Variants in ESYT1 observed in about 807,000 individuals in gnomAD.
ESYT1 encodes the protein extended synaptotagmin-1.
A neutral mutation model predicts 154.2 loss-of-function variants in ESYT1; 116 were observed. The ratio of observed to expected loss-of-function variants is 0.75; its 90% CI spans 0.65 to 0.88. ESYT1 has a LOEUF of 0.88. Ranked by LOEUF, ESYT1 falls within the 40% of genes least tolerant of loss-of-function variation. The pLI, the probability that ESYT1 is intolerant of heterozygous loss-of-function variation, is 0.00. For missense variants in ESYT1, 1,264 were observed against 1,379.3 expected (o/e 0.92, Z 1.32); for synonymous variants, 500 against 539.9 (o/e 0.93, Z 1.02).
chr12:56,134,226 G>T, intron 14 of ESYT1, 45 bp downstream of exon 14: 2 of 1,606,170 alleles, frequency 1.2e-6, no homozygotes. Context: ...AGGACAGGGA[G>T]AGGCCTATTC....
chr12:56,129,011 C>T (rs1395787068), intron 1 of ESYT1, among the ~76,000 whole-genome samples: 2 of 152,140 alleles, frequency 1.3e-5, no homozygotes, highest in Admixed American at 1.3e-4. Context: ...CGAAGCTCTC[C>T]CTCCTAGCCA....
At position 56,134,362 on chromosome 12, in the gene ESYT1, C is replaced by T; in HGVS notation, c.1566C>T (p.Cys522=). The T allele has an allele frequency of 6.2e-7, 1 of 1,614,136 alleles. No individual in the cohort carries two copies. Among genetic ancestry groups the T allele is most frequent in the Non-Finnish European group, 8.5e-7 (1 of 1,180,008 alleles). The part of the protein sequence containing the change: ...QESKAVYSTN[C]PVWEEAFRFF... The stretch of plus-strand genomic sequence containing the variant: ...TCCAGGCTGTCTACAGTACCAACTG[C>T]CCAGTGTGGGAGGAAGCGTTCCGGT... The change falls in exon 15 of 31, where the codon TGC becomes TGT. Residue 522 remains cysteine (C), a synonymous_variant. Transcript: ENST00000394048.
chr12:56,129,882 C>T (rs1870160255), intron 1 of ESYT1, among the ~76,000 whole-genome samples: 1 of 152,132 alleles, frequency 6.6e-6, no homozygotes, highest in South Asian at 2.1e-4. Flanking sequence ...TCTAGAAGCC[C>T]CGTCTGAGGG....
chr12:56,141,742 AAATAAT>A (rs766180226), intron 24 of ESYT1, among the ~76,000 whole-genome samples: 1 of 152,014 alleles, frequency 6.6e-6, no homozygotes, highest in African/African-American at 2.4e-5. Context: ...TCCGTCTCAA[AAATAAT>A]AATAATAATT....
Position 56,142,397 on chromosome 12 carries a change from G to A in ESYT1, c.2705G>A (p.Gly902Glu). The A allele has an allele frequency of 6.2e-7, 1 of 1,613,936 alleles. No homozygotes were observed. The highest frequency in any genetic ancestry group is 8.5e-7 in the Non-Finnish European group (1 of 1,179,896). ...DRWFTLSSGQ[G>E]QVLLRAQLGI... Reference sequence around the variant, plus strand: ...TGGTTTACACTCAGCAGTGGTCAGGGGCAGGTGCTACTGAGAGCACAGCTA... The same window carrying A: ...TGGTTTACACTCAGCAGTGGTCAGGAGCAGGTGCTACTGAGAGCACAGCTA... The change falls in exon 25 of 31, where the codon GGG (glycine) becomes GAG (glutamate). Residue 902 changes from glycine to glutamate, a missense_variant. Physicochemically the swap from Gly to Glu is moderately conservative, Grantham distance 98. Transcript: ENST00000394048. This position sits in a 1 kb window ranked among gnomAD's most constrained non-coding sequence, Gnocchi z 4.1.
intron 30 of ESYT1, 84 bp downstream of exon 30, chr12:56,143,713 C>G: frequency 6.2e-7 from 1 of 1,610,374 alleles, no homozygotes; most frequent in Non-Finnish European, 8.5e-7. Flanking sequence ...AAGATACAAT[C>G]TGAGCAGAGA....
intron 1 of ESYT1, chr12:56,129,211 C>G (rs1870127573): frequency 6.2e-6 from 1 of 161,898 alleles, no homozygotes; most frequent in Admixed American, 5.7e-5. Context: ...GGACCCAGCC[C>G]CGGCCCCTGG....
At chr12:56,128,892 T>C (rs1313552725) in intron 1 of ESYT1, 183 bp downstream of exon 1, 6 of 668,216 alleles carry the variant, frequency 9.0e-6, no homozygotes, top group Middle Eastern at 4.1e-4. Flanking sequence ...GACTGCTCAC[T>C]CTCCCCACCC....
At chr12:56,137,084 C>T in intron 16 of ESYT1, 134 bp from the exon 17 acceptor site, 1 of 1,332,910 alleles carries the variant, frequency 7.5e-7, no homozygotes, top group Non-Finnish European at 1.0e-6. Flanking sequence ...GTGGAGGGAA[C>T]CCTGTAGAGA....
Position 56,132,315 on chromosome 12 carries a change from C to T in ESYT1, c.967C>T (p.Arg323Cys), listed in dbSNP as rs748140521. The change falls in exon 8 of 31, where the codon CGT (arginine) becomes TGT (cysteine). Residue 323 changes from arginine (R) to cysteine (C), a missense_variant. Coordinates refer to ENST00000394048, the MANE Select transcript of ESYT1 (RefSeq NM_015292.3). Reference protein sequence around the residue: ...VPDLQDVAQLRSPLPRGIIRI... With the variant: ...VPDLQDVAQLCSPLPRGIIRI... ...TGACCTTCAAGATGTGGCTCAGTTG[C>T]GTTCCCCTCTGCCCAGGGTATGGCC... is the stretch of plus-strand genomic sequence containing the variant. 24 of 1,614,002 alleles carry T rather than the reference C, an allele frequency of 1.5e-5. No individual in the cohort carries two copies. The highest frequency in any genetic ancestry group is 2.2e-5 in the South Asian group (2 of 91,084).
At chr12:56,139,578 T>TG (rs34358051) in intron 24 of ESYT1, among the ~76,000 whole-genome samples, 45,212 of 148,396 alleles carry the variant, frequency 0.3, 8,220 homozygotes, top group East Asian at 0.45. Context: ...AGATGACCCC[T>TG]GAGCTTGAGG....
In ESYT1 at chr12:56,131,818, A is replaced by G. The variant is rs1340836347; in HGVS notation, c.860+14A>G. The G allele has an allele frequency of 1.2e-5, 20 of 1,613,838 alleles. No homozygotes were observed. Among genetic ancestry groups the G allele is most frequent in the Non-Finnish European group, 1.7e-5 (20 of 1,179,834 alleles). Reference sequence around the variant, plus strand: ...CCCAGGACTTAGGTATCAAGGACTTACTGAGCACCTGCTGAGTGTTCCAGC... The same window carrying G: ...CCCAGGACTTAGGTATCAAGGACTTGCTGAGCACCTGCTGAGTGTTCCAGC... On this transcript the variant is annotated intron_variant, in intron 7 of 30. Transcript: ENST00000394048.
Position 56,143,895 on chromosome 12 carries a change from T to C in ESYT1, c.*33T>C. On this transcript the variant is annotated 3_prime_UTR_variant, in exon 31 of 31. Transcript: ENST00000394048. Reference sequence around the variant, plus strand: ...CGAGTCCCAGCCTGACTGCTCTGTCTTCCTGCCTTCGTCTCGCTCCATCAC... The same window carrying C: ...CGAGTCCCAGCCTGACTGCTCTGTCCTCCTGCCTTCGTCTCGCTCCATCAC... 6.2e-7 allele frequency: 1 copy of C among 1,613,450 alleles called. No homozygotes were observed. Among genetic ancestry groups the C allele is most frequent in the East Asian group, 2.2e-5 (1 of 44,878 alleles).
At position 56,133,663 on chromosome 12, in the gene ESYT1, A is replaced by G. The variant is rs1334845496; in HGVS notation, c.1369A>G (p.Lys457Glu). The G allele has an allele frequency of 6.2e-7, 1 of 1,614,198 alleles. No homozygotes were observed. Among genetic ancestry groups the G allele is most frequent in the South Asian group, 1.1e-5 (1 of 91,082 alleles). ...EWLSLLSDAEKLEQVLQWNWG... is the reference protein window; with the variant it reads ...EWLSLLSDAEELEQVLQWNWG... ...GCTGTCACTTTTGTCAGATGCAGAG[A>G]AACTGGAGCAGGTAAGCCACATGGG... is the stretch of plus-strand genomic sequence containing the variant. Residue 457 changes from lysine to glutamate, a missense_variant, in exon 12 of 31, where the codon AAA becomes GAA. Lys to Glu is a moderately conservative substitution (Grantham distance 56). Transcript: ENST00000394048.
intron 10 of ESYT1, 103 bp from the exon 11 acceptor site, chr12:56,133,314 G>A: frequency 8.1e-7 from 1 of 1,232,576 alleles, no homozygotes; most frequent in South Asian, 1.2e-5. Context: ...TCTGAGATCT[G>A]CCAGTCATTT....
rs1297994853 is a variant in ESYT1 at position 56,144,053 on chromosome 12, G to A, written c.*191G>A. On this transcript the variant is annotated 3_prime_UTR_variant, in exon 31 of 31. Coordinates refer to ENST00000394048, the MANE Select transcript of ESYT1 (RefSeq NM_015292.3). ...GAACCGTATGTTCCCTTTACTGCAC[G>A]GCCTTTATCCTTCTGGGCCCCTGGG... 19 of 1,444,608 alleles carry A rather than the reference G, an allele frequency of 1.3e-5. No individual in the cohort carries two copies. The highest frequency in any genetic ancestry group is 7.5e-5 in the East Asian group (3 of 40,114). The allele number at this position is 1,444,608 out of a possible 1,614,324, so 89.5% of individuals were successfully genotyped here.
chr12:56,141,479 G>A (rs376656582), intron 24 of ESYT1, among the ~76,000 whole-genome samples: 129 of 152,310 alleles, frequency 8.5e-4, no homozygotes, highest in African/African-American at 2.7e-3. Flanking sequence ...GGTGGCTCAC[G>A]CCTGTAATCC....
At chr12:56,141,558 G>A (rs1870692052) in intron 24 of ESYT1, among the ~76,000 whole-genome samples, 1 of 152,088 alleles carries the variant, frequency 6.6e-6, no homozygotes, top group Non-Finnish European at 1.5e-5. Flanking sequence ...GGCTAACACG[G>A]TGAAACCCTG....
chr12:56,141,799 G>A (rs78878201), intron 24 of ESYT1, among the ~76,000 whole-genome samples: 430 of 151,926 alleles, frequency 2.8e-3, no homozygotes, highest in Non-Finnish European at 5.2e-3. Context: ...CTCTACTCTG[G>A]TTAAGAAAGG....
Sources: gnomAD v4.1 joint callset for allele counts (sites outside exome capture counted in the v4.1 genomes callset) on GRCh38, gnomAD v4.1.1 for gene constraint, Gnocchi (gnomAD v3.1) non-coding constraint, MANE v1.5 for transcripts, NCBI Gene and HGNC (gene_info 2026-07-23, HGNC 2026-07-21) for gene names.